RBMX2: variants seen among roughly 807,000 people sequenced by gnomAD.
RBMX2 encodes RNA-binding motif protein, X-linked 2.
For synonymous variants in RBMX2, 77 were observed against 94.3 expected, an observed-to-expected ratio of 0.82 and a Z score of 1.07; for missense variants, 191 against 256.0, an observed-to-expected ratio of 0.75 and a Z score of 1.73.
In RBMX2 at chrX:130,412,820, C is replaced by G. The variant is rs1429422355; in HGVS notation, c.941C>G (p.Ser314Trp). 15 of 1,207,660 alleles carry G rather than the reference C, an allele frequency of 1.2e-5. No individual in the cohort carries two copies. Among genetic ancestry groups the G allele is most frequent in the Non-Finnish European group, 1.7e-5 (15 of 894,723 alleles). ...RARRSRERES[S>W]NPSDRWRH is the part of the protein sequence containing the mutation. ...CGACGCTCCCGGGAGCGGGAGTCTTCGAATCCCAGTGACCGTTGGCGTCAC... is the reference window on the plus strand; with the variant it reads ...CGACGCTCCCGGGAGCGGGAGTCTTGGAATCCCAGTGACCGTTGGCGTCAC... Residue 314 changes from serine (S) to tryptophan (W), a missense_variant, in exon 6 of 6, where the codon TCG (serine) becomes TGG (tryptophan). Physicochemically the swap from Ser to Trp is radical, Grantham distance 177 (BLOSUM62 -3). Transcript: ENST00000305536.
chrX:130,411,332 C>T lies in RBMX2; in HGVS notation c.304-16C>T, dbSNP rs778363841. 3.5e-6 allele frequency: 4 copies of T among 1,148,076 alleles called. No individual in the cohort carries two copies. The highest frequency in any genetic ancestry group is 4.6e-6 in the Non-Finnish European group (4 of 863,788). 94.6% of individuals were successfully genotyped at this position (1,148,076 alleles called of 1,213,427 possible). Reference sequence around the variant, plus strand: ...ATGAGGGCTGTCTTCACTGAAGCATCGCCTGTCTTGCTTAGATCAAAGGAA... The same window carrying T: ...ATGAGGGCTGTCTTCACTGAAGCATTGCCTGTCTTGCTTAGATCAAAGGAA... On this transcript the variant is annotated splice_polypyrimidine_tract_variant and intron_variant, in intron 4 of 5. Coordinates refer to ENST00000305536, the MANE Select transcript of RBMX2 (RefSeq NM_016024.4).
In RBMX2 at chrX:130,410,733, G is replaced by A. The variant is rs754273017; in HGVS notation, c.304-615G>A. Among the ~76,000 whole-genome samples the A allele has an allele frequency of 1.8e-5, 2 of 112,245 alleles. 1 individual carries two copies. The highest frequency in any genetic ancestry group is 7.4e-4 in the South Asian group (2 of 2,707). On this transcript the variant is annotated intron_variant, in intron 4 of 5. Coordinates refer to ENST00000305536, the MANE Select transcript of RBMX2 (RefSeq NM_016024.4). ...TTGTTCATCTGGAGAGATGTGATTC[G>A]TTGTGCAAGAATCAGCGTGAGCTGA...
intron 1 of RBMX2, 102 bp from the exon 2 acceptor site, chrX:130,402,153 A>C: frequency 8.6e-7 from 1 of 1,161,096 alleles, no homozygotes; most frequent in South Asian, 1.9e-5. Context: ...CGGGGACTGG[A>C]ACAGCTCGTC....
chrX:130,402,228 C>CAACCCA, intron 1 of RBMX2, 27 bp from the exon 2 acceptor site: 14 of 1,029,090 alleles, frequency 1.4e-5, no homozygotes, highest in Non-Finnish European at 1.7e-5. Flanking sequence ...TCTGCCTACC[C>CAACCCA]TCCCCACCCC....
At chrX:130,410,364 T>A (rs1317315429) in intron 4 of RBMX2, among the ~76,000 whole-genome samples, 1 of 108,301 alleles carries the variant, frequency 9.2e-6, no homozygotes, top group Non-Finnish European at 1.9e-5. Context: ...AGAATATTTT[T>A]ATTTTAAGTG....
At chrX:130,402,221 G>A in intron 1 of RBMX2, 34 bp from the exon 2 acceptor site, 1 of 1,187,696 alleles carries the variant, frequency 8.4e-7, no homozygotes, top group Non-Finnish European at 1.1e-6. Flanking sequence ...CTGCTTTTCT[G>A]CCTACCCTCC....
intron 3 of RBMX2, among the ~76,000 whole-genome samples, chrX:130,408,168 G>A (rs923604680): frequency 1.0e-4 from 11 of 108,874 alleles, no homozygotes; most frequent in Admixed American, 2.0e-4. Context: ...TTGTTTGTTT[G>A]TTTGTTTGTT....
rs1443281539 is a variant in RBMX2 at position 130,413,291 on chromosome X, T to G, written c.*443T>G. On this transcript the variant is annotated 3_prime_UTR_variant, in exon 6 of 6. Coordinates refer to ENST00000305536, the MANE Select transcript of RBMX2 (RefSeq NM_016024.4). Reference sequence around the variant, plus strand: ...CAGCTCCATGCCCAAACCTTCCTGTTTGCAGAACTTTTTAATGTCTTTTCT... The same window carrying G: ...CAGCTCCATGCCCAAACCTTCCTGTGTGCAGAACTTTTTAATGTCTTTTCT... The G allele has an allele frequency of 8.9e-6, 1 of 112,888 alleles. No homozygotes were observed. Among genetic ancestry groups the G allele is most frequent in the Non-Finnish European group, 1.9e-5 (1 of 53,668 alleles). 9.3% of individuals were successfully genotyped at this position (112,888 alleles called of 1,213,427 possible). A position where few individuals can be genotyped will look rare whatever the true frequency, so the allele number is the denominator to read the frequency against.
chrX:130,404,982 C>T (rs140767552), intron 3 of RBMX2, among the ~76,000 whole-genome samples: 4 of 112,614 alleles, frequency 3.6e-5, no homozygotes. Context: ...GATGAGCTAA[C>T]GTGTGCATGT....
At chrX:130,405,664 T>A (rs1180116678) in intron 3 of RBMX2, among the ~76,000 whole-genome samples, 1 of 110,121 alleles carries the variant, frequency 9.1e-6, no homozygotes, top group East Asian at 2.8e-4. Flanking sequence ...GGAATATGGA[T>A]CAATATGTTA....
intron 2 of RBMX2, among the ~76,000 whole-genome samples, chrX:130,403,052 A>G (rs1260926793): frequency 1.8e-5 from 2 of 112,755 alleles, no homozygotes; most frequent in African/African-American, 6.4e-5. Flanking sequence ...ATTATTCCCT[A>G]GGAAATGCTT....
Position 130,401,988 on chromosome X carries a change from T to A in RBMX2, c.-45T>A. On this transcript the variant is annotated 5_prime_UTR_variant, in exon 1 of 6. Transcript: ENST00000305536. ...GGGGCCGCGCATGCGCTGCGCTGCC[T>A]TTCCCGGGCGCTGATTCCTGAGTGC... 1 of 1,179,288 alleles carries A rather than the reference T, an allele frequency of 8.5e-7. No homozygotes were observed. The highest frequency in any genetic ancestry group is 1.9e-5 in the South Asian group (1 of 53,469).
intron 4 of RBMX2, 93 bp downstream of exon 4, chrX:130,409,479 C>CT (rs2034501842): frequency 5.3e-6 from 5 of 943,147 alleles, no homozygotes; most frequent in East Asian, 6.4e-5. Flanking sequence ...AAGGGCAGCA[C>CT]TTGTGAGCTT....
chrX:130,413,534 C>G lies in RBMX2; in HGVS notation c.*686C>G, dbSNP rs2034525796. Among the ~76,000 whole-genome samples the G allele has an allele frequency of 9.1e-6, 1 of 109,509 alleles. No homozygotes were observed. The highest frequency in any genetic ancestry group is 3.3e-5 in the African/African-American group (1 of 29,990). On this transcript the variant is annotated 3_prime_UTR_variant, in exon 6 of 6. Coordinates refer to ENST00000305536, the MANE Select transcript of RBMX2 (RefSeq NM_016024.4). ...ATTTTTTATCATCCCAAAATGAAAC[C>G]CTGTAGCCATTAAACAAGAGCTCCC...
chrX:130,412,821 G>A lies in RBMX2; in HGVS notation c.942G>A (p.Ser314=), dbSNP rs761171032. ...GACGCTCCCGGGAGCGGGAGTCTTCGAATCCCAGTGACCGTTGGCGTCACT... is the reference window on the plus strand; with the variant it reads ...GACGCTCCCGGGAGCGGGAGTCTTCAAATCCCAGTGACCGTTGGCGTCACT... ...RARRSRERES[S]NPSDRWRH The change falls in exon 6 of 6, where the codon TCG becomes TCA. Residue 314 remains serine (S), a synonymous_variant. Coordinates refer to ENST00000305536, the MANE Select transcript of RBMX2 (RefSeq NM_016024.4). 2.0e-5 allele frequency: 24 copies of A among 1,207,626 alleles called. No homozygotes were observed. The highest frequency in any genetic ancestry group is 6.6e-5 in the Admixed American group (3 of 45,526).
chrX:130,412,913 G>A lies in RBMX2; in HGVS notation c.*65G>A, dbSNP rs2034522523. ...TTTTAAATGCAGTCAAATTCAGTTG[G>A]GTGGTTACTATTTTTGTATCTAAAA... On this transcript the variant is annotated 3_prime_UTR_variant, in exon 6 of 6. Coordinates refer to ENST00000305536, the MANE Select transcript of RBMX2 (RefSeq NM_016024.4). The A allele has an allele frequency of 1.9e-6, 2 of 1,064,129 alleles. No individual in the cohort carries two copies. Among genetic ancestry groups the A allele is most frequent in the African/African-American group, 3.8e-5 (2 of 52,642 alleles). The allele number at this position is 1,064,129 out of a possible 1,213,427, so 87.7% of individuals were successfully genotyped here. A position where few individuals can be genotyped will look rare whatever the true frequency, so the allele number is the denominator to read the frequency against.
intron 2 of RBMX2, 34 bp from the exon 3 acceptor site, chrX:130,403,768 G>A (rs1313036451): frequency 2.5e-6 from 3 of 1,187,732 alleles, no homozygotes; most frequent in South Asian, 3.5e-5. Flanking sequence ...CTTGGTAAAT[G>A]TTGGTGGAAC....
chrX:130,411,539 A>G lies in RBMX2; in HGVS notation c.481+14A>G. 8.7e-7 allele frequency: 1 copy of G among 1,155,889 alleles called. No homozygotes were observed. Among genetic ancestry groups the G allele is most frequent in the Non-Finnish European group, 1.2e-6 (1 of 866,525 alleles). ...AGCACAAAAAAGGTAAAGCATTAAG[A>G]CTTAAGAGAAGATTCTGGGTGGTCT... On this transcript the variant is annotated intron_variant, in intron 5 of 5. Coordinates refer to ENST00000305536, the MANE Select transcript of RBMX2 (RefSeq NM_016024.4).
At chrX:130,404,388 A>G (rs991191650) in intron 3 of RBMX2, 1 of 113,793 alleles carries the variant, frequency 8.8e-6, no homozygotes, top group Non-Finnish European at 1.9e-5. Context: ...TATATTCTTC[A>G]TTCTGCTGAG....
Sources: gnomAD v4.1 joint callset for allele counts (sites outside exome capture counted in the v4.1 genomes callset) on GRCh38, gnomAD v4.1.1 for gene constraint, MANE v1.5 for transcripts, NCBI Gene and HGNC (gene_info 2026-07-23, HGNC 2026-07-21) for gene names.